Variants in PTPRD observed in about 807,000 individuals in gnomAD.
PTPRD encodes the protein protein tyrosine phosphatase receptor type D, also known as receptor-type tyrosine-protein phosphatase delta.
A neutral mutation model predicts 214.5 loss-of-function variants in PTPRD; 34 were observed. That is an observed-to-expected ratio of 0.16 (90% CI 0.12 to 0.21). PTPRD has a LOEUF of 0.21. Among genes scored for constraint, PTPRD ranks in the 10% least tolerant of loss-of-function variants. The pLI, the probability that PTPRD is intolerant of heterozygous loss-of-function variation, is 1.00. For synonymous variants in PTPRD, 1,128 were observed against 845.7 expected (o/e 1.33, Z -5.79); for missense variants, 2,545 against 2,398.7 (o/e 1.06, Z -1.27).
chr9:8,541,287 T>C (rs1404568015), intron 14 of PTPRD, among the ~76,000 whole-genome samples: 2 of 152,176 alleles, frequency 1.3e-5, no homozygotes, highest in Admixed American at 6.5e-5. Flanking sequence ...TGGACTGCAA[T>C]GGTGCAATCA....
chr9:9,924,700 A>G (rs1411564336), intron 5 of PTPRD, among the ~76,000 whole-genome samples: 2 of 152,118 alleles, frequency 1.3e-5, no homozygotes, highest in African/African-American at 2.4e-5. Flanking sequence ...TTTTTAAAAG[A>G]GCCTAGATGT....
At chr9:10,428,261 G>C (rs1247804371) in intron 2 of PTPRD, among the ~76,000 whole-genome samples, 1 of 152,086 alleles carries the variant, frequency 6.6e-6, no homozygotes, top group African/African-American at 2.4e-5. Flanking sequence ...AGATGTTGCA[G>C]CGAGCTGAGA....
intron 14 of PTPRD, among the ~76,000 whole-genome samples, chr9:8,593,042 C>T (rs1246825430): frequency 6.6e-6 from 1 of 152,062 alleles, no homozygotes; most frequent in Non-Finnish European, 1.5e-5. Flanking sequence ...AATAGGGGAA[C>T]AGCAAAAGAC....
chr9:9,445,404 G>A (rs2090037434), intron 8 of PTPRD, among the ~76,000 whole-genome samples: 1 of 152,114 alleles, frequency 6.6e-6, no homozygotes, highest in Non-Finnish European at 1.5e-5. Flanking sequence ...TTAATCCTTA[G>A]AGAACAATTT....
chr9:8,933,340 G>GTTTTTTTTTTTTTTTTTTTTTTTT lies in PTPRD; in HGVS notation c.-104+85356_-104+85357insAAAAAAAAAAAAAAAAAAAAAAAA, dbSNP rs71317383. Among the ~76,000 whole-genome samples, 145 of 80,380 alleles carry GTTTTTTTTTTTTTTTTTTTTTTTT rather than the reference G, an allele frequency of 1.8e-3. 14 individuals carry two copies. The highest frequency in any genetic ancestry group is 2.5e-3 in the Non-Finnish European group (108 of 43,532). 52.7% of individuals were successfully genotyped at this position (80,380 alleles called of 152,430 possible). A position where few individuals can be genotyped will look rare whatever the true frequency, so the allele number is the denominator to read the frequency against. On this transcript the variant is annotated intron_variant, in intron 11 of 45. Transcript: ENST00000381196. ...CCATCTTGCCAGCCACAACCTTGAG[G>GTTTTTTTTTTTTTTTTTTTTTTTT]TTTTTTTTTTTTTTTTTTTTTTTAC...
chr9:8,560,257 G>A lies in PTPRD; in HGVS notation c.353-31478C>T, dbSNP rs545193046. ...TGTTGATCAACCAAGTTATAAAAAT[G>A]AGATGAATTTTTAAACTCCATGCAA... is the stretch of plus-strand genomic sequence containing the variant. On this transcript the variant is annotated intron_variant, in intron 14 of 45. Transcript: ENST00000381196. Among the ~76,000 whole-genome samples the A allele has an allele frequency of 1.2e-4, 19 of 152,104 alleles. No individual in the cohort carries two copies. In the South Asian group the frequency reaches 3.5e-3, roughly 28 times the overall value.
chr9:10,077,978 C>A (rs1486785821), intron 3 of PTPRD, among the ~76,000 whole-genome samples: 3 of 151,898 alleles, frequency 2.0e-5, no homozygotes, highest in Non-Finnish European at 4.4e-5. Flanking sequence ...ATTTGTATCT[C>A]CTCTACACTT....
At chr9:9,469,717 T>C (rs2094461825) in intron 8 of PTPRD, among the ~76,000 whole-genome samples, 2 of 152,190 alleles carry the variant, frequency 1.3e-5, no homozygotes, top group South Asian at 2.1e-4. Context: ...ATGTTTCTTC[T>C]TGAAGTTTTT....
intron 14 of PTPRD, 112 bp downstream of exon 14, chr9:8,633,205 A>C: frequency 3.7e-6 from 5 of 1,338,338 alleles, no homozygotes; most frequent in Non-Finnish European, 5.1e-6. Context: ...CAAACATTTA[A>C]CTGAGTTTCC....
intron 11 of PTPRD, among the ~76,000 whole-genome samples, chr9:9,005,265 C>T (rs769384592): frequency 6.6e-6 from 1 of 152,042 alleles, no homozygotes; most frequent in Non-Finnish European, 1.5e-5. Context: ...ATGCAAAACT[C>T]CATCTGAGTG....
At chr9:9,033,597 G>A (rs774589299) in intron 10 of PTPRD, among the ~76,000 whole-genome samples, 8 of 152,082 alleles carry the variant, frequency 5.3e-5, no homozygotes, top group South Asian at 2.1e-4. Context: ...TAGATACTTC[G>A]AAAATTATTT....
intron 2 of PTPRD, among the ~76,000 whole-genome samples, chr9:10,537,441 T>C (rs2058087218): frequency 1.3e-5 from 2 of 152,190 alleles, no homozygotes; most frequent in Non-Finnish European, 2.9e-5. Context: ...AGATCGAGTA[T>C]GTAAATCATA....
At chr9:9,787,909 G>A (rs529903517) in intron 5 of PTPRD, among the ~76,000 whole-genome samples, 3 of 151,882 alleles carry the variant, frequency 2.0e-5, no homozygotes, top group African/African-American at 7.2e-5. Context: ...AGCCTCCTAA[G>A]TAGCTGGGAC....
intron 4 of PTPRD, among the ~76,000 whole-genome samples, chr9:9,965,211 AAAAT>A (rs1252346537): frequency 6.6e-6 from 1 of 152,140 alleles, no homozygotes; most frequent in African/African-American, 2.4e-5. Context: ...AGAATCATGA[AAAAT>A]AAACTGCTGT....
chr9:9,410,182 G>A (rs2074922804), intron 8 of PTPRD, among the ~76,000 whole-genome samples: 1 of 152,060 alleles, frequency 6.6e-6, no homozygotes, highest in African/African-American at 2.4e-5. Context: ...GAGGTTACTG[G>A]CACAAATCAA....
At chr9:10,525,378 A>G (rs1566735741) in intron 2 of PTPRD, among the ~76,000 whole-genome samples, 1 of 152,032 alleles carries the variant, frequency 6.6e-6, no homozygotes, top group East Asian at 1.9e-4. Flanking sequence ...TAGTGTTGGT[A>G]TTCTAATCTT....
At chr9:8,977,238 C>A (rs186713247) in intron 11 of PTPRD, among the ~76,000 whole-genome samples, 2 of 152,134 alleles carry the variant, frequency 1.3e-5, no homozygotes, top group East Asian at 3.9e-4. Context: ...CAAATTTTAA[C>A]CTTTTGCAAA....
At chr9:10,033,333 T>C (rs1177589605) in intron 4 of PTPRD, among the ~76,000 whole-genome samples, 1 of 151,842 alleles carries the variant, frequency 6.6e-6, no homozygotes, top group African/African-American at 2.4e-5. Context: ...GTATAGTGTA[T>C]TAGCTTTTTA....
intron 9 of PTPRD, among the ~76,000 whole-genome samples, chr9:9,240,930 G>A (rs945192018): frequency 3.9e-5 from 6 of 151,966 alleles, no homozygotes; most frequent in Non-Finnish European, 8.8e-5. Flanking sequence ...AATCAGCTGA[G>A]GTCCAAACTT....
Sources: gnomAD v4.1 joint callset for allele counts (sites outside exome capture counted in the v4.1 genomes callset) on GRCh38, gnomAD v4.1.1 for gene constraint, MANE v1.5 for transcripts, NCBI Gene and HGNC (gene_info 2026-07-23, HGNC 2026-07-21) for gene names.